The following ACYP2 variants were observed in gnomAD, a reference collection of about 807,000 sequenced individuals.
ACYP2 encodes the protein acylphosphatase-2.
Under a neutral mutation model 11.2 loss-of-function variants are expected in ACYP2, and 12 were observed. The ratio of observed to expected loss-of-function variants is 1.08; its 90% CI spans 0.69 to 1.74. The LOEUF is 1.74. Among genes scored for constraint, ACYP2 ranks in the 40% most tolerant of loss-of-function variants. The pLI, the probability that ACYP2 is intolerant of heterozygous loss-of-function variation, is 0.00. For missense variants in ACYP2, 134 were observed against 101.9 expected (o/e 1.31, Z -1.35); for synonymous variants, 43 against 32.2 (o/e 1.33, Z -1.13).
At chr2:54,157,137 G>A (rs1347999384) in intron 6 of ACYP2, among the ~76,000 whole-genome samples, 1 of 152,070 alleles carries the variant, frequency 6.6e-6, no homozygotes, top group Non-Finnish European at 1.5e-5. Context: ...TTTATGTGGA[G>A]TAAAAGATGT....
At chr2:54,085,014 A>G (rs1406922638) in intron 4 of ACYP2, 1 of 152,146 alleles carries the variant, frequency 6.6e-6, no homozygotes, top group Non-Finnish European at 1.5e-5. Flanking sequence ...TCCGGATGGA[A>G]TATTCTATGT....
intron 2 of ACYP2, among the ~76,000 whole-genome samples, chr2:54,047,573 G>A (rs946063811): frequency 6.6e-6 from 1 of 152,156 alleles, no homozygotes; most frequent in East Asian, 1.9e-4. Flanking sequence ...TAAATTGATT[G>A]TATTGTATTA....
chr2:54,187,338 C>T (rs1392997680), intron 6 of ACYP2, among the ~76,000 whole-genome samples: 2 of 152,154 alleles, frequency 1.3e-5, no homozygotes, highest in Non-Finnish European at 2.9e-5. Context: ...TTGGGGAACC[C>T]AAGAACCCAG....
At chr2:54,016,401 C>T (rs1283004975) in intron 2 of ACYP2, among the ~76,000 whole-genome samples, 1 of 151,316 alleles carries the variant, frequency 6.6e-6, no homozygotes, top group African/African-American at 2.4e-5. Flanking sequence ...ATTTATAAGG[C>T]TCAAATTTCT....
At chr2:54,300,457 C>G (rs1213672483) in intron 6 of ACYP2, among the ~76,000 whole-genome samples, 2 of 152,210 alleles carry the variant, frequency 1.3e-5, no homozygotes, top group Admixed American at 6.5e-5. Context: ...CAGCTCTCCT[C>G]TAACAACTGG....
chr2:54,037,509 C>T (rs201454933), intron 2 of ACYP2, among the ~76,000 whole-genome samples: 3 of 152,218 alleles, frequency 2.0e-5, no homozygotes, highest in African/African-American at 7.2e-5. Flanking sequence ...CTCCTAGGCT[C>T]GAGCAATCCA....
At chr2:54,115,101 T>C (rs998862066) in intron 4 of ACYP2, among the ~76,000 whole-genome samples, 3 of 152,296 alleles carry the variant, frequency 2.0e-5, no homozygotes, top group African/African-American at 4.8e-5. Context: ...GTGTGAATAA[T>C]AAGTTCTGAA....
At chr2:54,059,310 C>T (rs1676344842) in intron 4 of ACYP2, among the ~76,000 whole-genome samples, 1 of 152,022 alleles carries the variant, frequency 6.6e-6, no homozygotes, top group African/African-American at 2.4e-5. Flanking sequence ...CCTCCACCTC[C>T]CAGGTTCAAG....
At chr2:54,011,258 T>C (rs2104536707) in intron 2 of ACYP2, among the ~76,000 whole-genome samples, 1 of 152,332 alleles carries the variant, frequency 6.6e-6, no homozygotes, top group East Asian at 1.9e-4. Flanking sequence ...CGGGAGCTCC[T>C]TTTCTGTTTT....
chr2:54,138,090 A>AGTGT (rs1558561132), intron 5 of ACYP2, among the ~76,000 whole-genome samples: 1 of 112,270 alleles, frequency 8.9e-6, no homozygotes, highest in Non-Finnish European at 1.9e-5. Flanking sequence ...ACTTTTGAGA[A>AGTGT]GTGTCCATGT....
At chr2:54,087,530 T>A (rs7574917) in intron 4 of ACYP2, among the ~76,000 whole-genome samples, 7,014 of 152,170 alleles carry the variant, frequency 0.046, 565 homozygotes, top group African/African-American at 0.16. Flanking sequence ...TTCGTATTTT[T>A]TGTAGAGATG....
At chr2:54,258,361 G>A (rs995917210) in intron 6 of ACYP2, among the ~76,000 whole-genome samples, 1 of 152,166 alleles carries the variant, frequency 6.6e-6, no homozygotes, top group Admixed American at 6.6e-5. Flanking sequence ...ATTTCAGCAC[G>A]AGAAGTGCTA....
At chr2:54,132,961 CTTG>C (rs1260576357) in intron 4 of ACYP2, among the ~76,000 whole-genome samples, 1 of 152,108 alleles carries the variant, frequency 6.6e-6, no homozygotes, top group African/African-American at 2.4e-5. Flanking sequence ...TCAGGCTGGT[CTTG>C]AACTCCTGAC....
intron 6 of ACYP2, among the ~76,000 whole-genome samples, chr2:54,190,006 T>C (rs989657412): frequency 2.6e-5 from 4 of 152,220 alleles, no homozygotes; most frequent in African/African-American, 9.6e-5. Context: ...CGTTTTGTTT[T>C]TTGAGAAATG....
Position 54,019,646 on chromosome 2 carries a change from G to A in ACYP2, c.63-31312G>A, listed in dbSNP as rs552072421. 7.0e-3 allele frequency among the ~76,000 whole-genome samples: 1,030 copies of A among 147,758 alleles called. 8 individuals are homozygous for A. Among genetic ancestry groups the A allele is most frequent in the African/African-American group, 0.024 (984 of 41,138 alleles). The stretch of plus-strand genomic sequence containing the variant: ...ATTATTATTATTATTTTGAGACGGA[G>A]TCTCACTCCGTCACCCAGGCTAGAG... On this transcript the variant is annotated intron_variant, in intron 2 of 6. Transcript: ENST00000607452.
chr2:54,002,743 C>G lies in ACYP2; in HGVS notation c.62+28933C>G, dbSNP rs545675620. Among the ~76,000 whole-genome samples, 185 of 150,782 alleles carry G rather than the reference C, an allele frequency of 1.2e-3. 2 individuals are homozygous for G. Among genetic ancestry groups the G allele is most frequent in the Non-Finnish European group, 1.6e-3 (108 of 67,800 alleles). On this transcript the variant is annotated intron_variant, in intron 2 of 6. Transcript: ENST00000607452. ...TTCGGCTCACCACAACCTGTGCCTC[C>G]CAGGTTCAAGCAATTCTCCTGCCTC...
intron 6 of ACYP2, among the ~76,000 whole-genome samples, chr2:54,282,633 C>T (rs1420307741): frequency 2.0e-5 from 3 of 152,108 alleles, no homozygotes; most frequent in African/African-American, 7.2e-5. Context: ...GGTTAGCCAA[C>T]TACAATGAAC....
At chr2:54,141,983 TTG>T (rs56673055) in intron 6 of ACYP2, 18,543 of 432,256 alleles carry the variant, frequency 0.043, 1 homozygote, top group East Asian at 0.051. Flanking sequence ...GCTGGCTAAT[TTG>T]TGTGTGTGTG....
At chr2:54,173,466 C>T (rs927587130) in intron 6 of ACYP2, among the ~76,000 whole-genome samples, 2 of 152,096 alleles carry the variant, frequency 1.3e-5, no homozygotes, top group Non-Finnish European at 2.9e-5. Context: ...GGGTAGATTG[C>T]AAAAATTTTC....
Sources: gnomAD v4.1 joint callset for allele counts (sites outside exome capture counted in the v4.1 genomes callset) on GRCh38, gnomAD v4.1.1 for gene constraint, MANE v1.5 for transcripts, NCBI Gene and HGNC (gene_info 2026-07-23, HGNC 2026-07-21) for gene names.